The following TTN variants were observed in gnomAD, a reference collection of about 807,000 sequenced individuals.
TTN encodes the protein connectin.
A neutral mutation model predicts 3,223.0 loss-of-function variants in TTN; 1,525 were observed. The observed-to-expected ratio is 0.47, with a 90% CI of 0.45 to 0.49. TTN has a LOEUF of 0.49. Among genes scored for constraint, TTN ranks in the 20% least tolerant of loss-of-function variants. The probability of loss-of-function intolerance (pLI) is 0.00; values close to 1 mark genes in which losing one functional copy is unlikely to be tolerated. For missense variants in TTN, 40,786 were observed against 43,424.0 expected (o/e 0.94, Z 5.40); for synonymous variants, 14,094 against 15,161.0 (o/e 0.93, Z 5.17).
rs2047166320 is a variant in TTN, at chr2:178,579,407, G to T, written c.67637-14C>A. ...GATCAGGAGCCACTGTAAAATAGCAGAGATAAATTACTGTTATTTTTAAGG... is the reference window on the plus strand; with the variant it reads ...GATCAGGAGCCACTGTAAAATAGCATAGATAAATTACTGTTATTTTTAAGG... On this transcript the variant is annotated splice_polypyrimidine_tract_variant and intron_variant, in intron 319 of 362. Coordinates refer to ENST00000589042, the MANE Select transcript of TTN (RefSeq NM_001267550.2). 1 of 1,555,712 alleles carries T rather than the reference G, an allele frequency of 6.4e-7. No individual in the cohort carries two copies. Among genetic ancestry groups the T allele is most frequent in the Admixed American group, 2.1e-5 (1 of 48,450 alleles).
chr2:178,537,401 T>C lies in TTN; in HGVS notation c.99806A>G (p.Lys33269Arg). The C allele has an allele frequency of 6.2e-7, 1 of 1,608,016 alleles. No homozygotes were observed. Among genetic ancestry groups the C allele is most frequent in the Non-Finnish European group, 8.5e-7 (1 of 1,175,634 alleles). Residue 33269 changes from lysine (K) to arginine (R), a missense_variant, in exon 355 of 363, where the codon AAA (lysine) becomes AGA (arginine). Physicochemically the swap from Lys to Arg is conservative, Grantham distance 26. Transcript: ENST00000589042. ...VQRKTHAGKY[K>R]VQLSNVFGTV... ...TCCAAAAACATTGCTGAGCTGGACT[T>C]TGTATTTCCCAGCATGAGTCTTACG... is the stretch of plus-strand genomic sequence containing the variant.
rs545185154 is a variant in TTN, at chr2:178,594,186, C to G, written c.58207G>C (p.Ala19403Pro). 8.3e-5 allele frequency: 134 copies of G among 1,613,348 alleles called. No individual in the cohort carries two copies. In the East Asian group the frequency reaches 3.0e-3, roughly 36 times the overall value. The change falls in exon 297 of 363, where the codon GCT becomes CCT. Residue 19403 changes from alanine to proline, a missense_variant. Physicochemically the swap from Ala to Pro is conservative, Grantham distance 27. Coordinates refer to ENST00000589042, the MANE Select transcript of TTN (RefSeq NM_001267550.2). Reference protein sequence around the residue: ...RDKLTIRVGEAFALTGRYSGK... With the variant: ...RDKLTIRVGEPFALTGRYSGK... ...GAGTAACGGCCAGTGAGGGCAAAAG[C>G]TTCACCAACTCGAATCGTGAGCTTA...
chr2:178,560,068 T>G lies in TTN; in HGVS notation c.86064A>C (p.Val28688=). Residue 28688 remains valine (V), a synonymous_variant, in exon 326 of 363, where the codon GTA becomes GTC. Coordinates refer to ENST00000589042, the MANE Select transcript of TTN (RefSeq NM_001267550.2). Reference sequence around the variant, plus strand: ...CAGTGTCATCAGATTTTTTGTATTCTACAGTATATCCAGTTATCGGGGCCC... The same window carrying G: ...CAGTGTCATCAGATTTTTTGTATTCGACAGTATATCCAGTTATCGGGGCCC... ...DGGAPITGYT[V]EYKKSDDTDW... is the part of the protein sequence containing the mutation. 1 of 1,613,692 alleles carries G rather than the reference T, an allele frequency of 6.2e-7. No individual in the cohort carries two copies. The highest frequency in any genetic ancestry group is 8.5e-7 in the Non-Finnish European group (1 of 1,179,780).
chr2:178,569,909 G>T lies in TTN; in HGVS notation c.76223C>A (p.Pro25408His). ...KACDPIYKPG[P>H]PNNPKVIDIT... Reference sequence around the variant, plus strand: ...GTCTATGACTTTGGGGTTGTTTGGGGGTCCTGGTTTATAAATAGGATCACA... The same window carrying T: ...GTCTATGACTTTGGGGTTGTTTGGGTGTCCTGGTTTATAAATAGGATCACA... Residue 25408 changes from proline (P) to histidine (H), a missense_variant, in exon 326 of 363, where the codon CCC becomes CAC. By Grantham distance (77) the Pro-to-His change is moderately conservative. Transcript: ENST00000589042. The T allele has an allele frequency of 1.2e-6, 2 of 1,613,242 alleles. No homozygotes were observed. The highest frequency in any genetic ancestry group is 1.7e-6 in the Non-Finnish European group (2 of 1,179,550).
At position 178,764,207 on chromosome 2, in the gene TTN, C is replaced by G; in HGVS notation, c.10084G>C (p.Ala3362Pro). The change falls in exon 43 of 363, where the codon GCC becomes CCC. Residue 3362 changes from alanine (A) to proline (P), a missense_variant. Physicochemically the swap from Ala to Pro is conservative, Grantham distance 27. Transcript: ENST00000589042. ...CCAGAAACCCGGCATTGAAAACGGG[C>G]TGGCTGCCCTTCAGAAGTGACAGTG... ...QDTVTSEGQP[A>P]RFQCRVSGTD... The G allele has an allele frequency of 6.2e-7, 1 of 1,614,106 alleles. No homozygotes were observed. The highest frequency in any genetic ancestry group is 8.5e-7 in the Non-Finnish European group (1 of 1,179,954).
intron 132 of TTN, 28 bp from the exon 133 acceptor site, chr2:178,684,110 A>G (rs1248264277): frequency 6.2e-7 from 1 of 1,608,302 alleles, no homozygotes; most frequent in Admixed American, 1.7e-5. Context: ...ACTTTAAAGT[A>G]TTGTTTCCCT....
chr2:178,635,392 T>A, intron 227 of TTN, 48 bp downstream of exon 227: 1 of 1,605,484 alleles, frequency 6.2e-7, no homozygotes, highest in Non-Finnish European at 8.5e-7. Flanking sequence ...TATTTGGCTT[T>A]ACACATACGC....
In TTN at chr2:178,595,597, C is replaced by T; in HGVS notation, c.57757G>A (p.Ala19253Thr). ...TCAGCCGCAATTCGGAAAAAGTAGG[C>T]TTTTCCTTGAATGAGACCCTGGACA... ...ATVQGLIQGK[A>T]YFFRIAAENS... The change falls in exon 295 of 363, where the codon GCC becomes ACC. Residue 19253 changes from alanine (A) to threonine (T), a missense_variant. By Grantham distance (58) the Ala-to-Thr change is moderately conservative (BLOSUM62 0). Transcript: ENST00000589042. 2 of 1,587,590 alleles carry T rather than the reference C, an allele frequency of 1.3e-6. No individual in the cohort carries two copies. The highest frequency in any genetic ancestry group is 1.7e-6 in the Non-Finnish European group (2 of 1,165,536).
chr2:178,700,963 CATTT>C (rs1449209201), intron 111 of TTN, among the ~76,000 whole-genome samples, 153 bp downstream of exon 111: 1 of 152,138 alleles, frequency 6.6e-6, no homozygotes, highest in Non-Finnish European at 1.5e-5. Flanking sequence ...ATAACTTACA[CATTT>C]AGTTAGCTAA....
Position 178,653,055 on chromosome 2 carries a change from A to G in TTN, c.38861T>C (p.Val12954Ala). The change falls in exon 199 of 363, where the codon GTC becomes GCC. Residue 12954 changes from valine (V) to alanine (A), a missense_variant. Val to Ala is a moderately conservative substitution (Grantham distance 64). Transcript: ENST00000589042. The part of the protein sequence containing the change: ...VPVTPPKKPE[V>A]PPVKVPEAPI... Reference sequence around the variant, plus strand: ...GTGACAAATACCTTTAACAGGTGGGACTTCAGGTTTTTTAGGAGGAGTCAC... The same window carrying G: ...GTGACAAATACCTTTAACAGGTGGGGCTTCAGGTTTTTTAGGAGGAGTCAC... 1 of 1,613,332 alleles carries G rather than the reference A, an allele frequency of 6.2e-7. No homozygotes were observed. The highest frequency in any genetic ancestry group is 8.5e-7 in the Non-Finnish European group (1 of 1,179,548).
chr2:178,712,182 C>T lies in TTN; in HGVS notation c.27648G>A (p.Val9216=), dbSNP rs1332087392. 6.2e-7 allele frequency: 1 copy of T among 1,613,722 alleles called. No individual in the cohort carries two copies. Among genetic ancestry groups the T allele is most frequent in the Non-Finnish European group, 8.5e-7 (1 of 1,179,746 alleles). ...GTAGAGAGGCAGAATCTCCAACAGA[C>T]ACCTTAACCGGCTCCAACTGCTTGA... is the stretch of plus-strand genomic sequence containing the variant. The part of the protein sequence containing the change: ...YFVKQLEPVK[V]SVGDSASLQC... The change falls in exon 96 of 363, where the codon GTG becomes GTA. Residue 9216 remains valine, a synonymous_variant. Coordinates refer to ENST00000589042, the MANE Select transcript of TTN (RefSeq NM_001267550.2).
chr2:178,805,100 T>C (rs2094253162), intron 1 of TTN, among the ~76,000 whole-genome samples: 1 of 152,062 alleles, frequency 6.6e-6, no homozygotes, highest in Admixed American at 6.5e-5. Context: ...CCCAGCACTT[T>C]AGGAGGCCGA....
At position 178,614,239 on chromosome 2, in the gene TTN, A is replaced by G; in HGVS notation, c.49158T>C (p.Tyr16386=). The part of the protein sequence containing the change: ...RDDGGSKITN[Y]VVERRATDSE... ...TATCAGTTGCTCGTCTCTCCACAAC[A>G]TAGTTTGTGATCTTAGATCCACCAT... Residue 16386 remains tyrosine (Y), a synonymous_variant, in exon 262 of 363, where the codon TAT becomes TAC. Transcript: ENST00000589042. 6.2e-7 allele frequency: 1 copy of G among 1,612,546 alleles called. No individual in the cohort carries two copies.
In TTN at chr2:178,582,383, C is replaced by T. The variant is rs772896091; in HGVS notation, c.66073G>A (p.Glu22025Lys). 1.2e-6 allele frequency: 2 copies of T among 1,612,864 alleles called. No homozygotes were observed. The highest frequency in any genetic ancestry group is 1.7e-5 in the Admixed American group (1 of 59,934). ...TCAGCACAAATACGGAACTGATACT[C>T]ATGGCCCTCTATAAGTTTCTCCACG... is the stretch of plus-strand genomic sequence containing the variant. ...CSVEKLIEGH[E>K]YQFRICAENK... The change falls in exon 314 of 363, where the codon GAG (glutamate) becomes AAG (lysine). Residue 22025 changes from glutamate (E) to lysine (K), a missense_variant. Transcript: ENST00000589042.
intron 54 of TTN, 23 bp from the exon 55 acceptor site, chr2:178,733,144 G>GA: frequency 6.4e-7 from 1 of 1,567,808 alleles, no homozygotes. Context: ...CAAGAAGGGA[G>GA]AAAAGGTCAA....
intron 47 of TTN, chr2:178,751,963 G>A (rs2085661356): frequency 6.3e-7 from 1 of 1,589,180 alleles, no homozygotes; most frequent in Non-Finnish European, 8.5e-7. Flanking sequence ...TGGATTTGTG[G>A]TCTATGTCTT....
intron 69 of TTN, 176 bp downstream of exon 69, chr2:178,726,914 A>T: frequency 1.9e-6 from 1 of 531,868 alleles, no homozygotes. Flanking sequence ...ATGACTAGTT[A>T]CATGTAAGCA....
At chr2:178,689,471 T>C in intron 123 of TTN, 44 bp downstream of exon 123, 3 of 1,602,946 alleles carry the variant, frequency 1.9e-6, no homozygotes, top group Non-Finnish European at 2.6e-6. Context: ...TTAAAGAGGC[T>C]TGAAGGAAAG....
At position 178,605,512 on chromosome 2, in the gene TTN, T is replaced by C; in HGVS notation, c.53783A>G (p.Asp17928Gly). 1 of 1,612,426 alleles carries C rather than the reference T, an allele frequency of 6.2e-7. No homozygotes were observed. Among genetic ancestry groups the C allele is most frequent in the Non-Finnish European group, 8.5e-7 (1 of 1,178,912 alleles). The change falls in exon 279 of 363, where the codon GAT (aspartate) becomes GGT (glycine). Residue 17928 changes from aspartate (D) to glycine (G), a missense_variant. Transcript: ENST00000589042. ...ACGGAACTCATACATTTGGTGTTCA[T>C]CAAGATTTTCAACCAGAAAAGATGT... is the stretch of plus-strand genomic sequence containing the variant. Reference protein sequence around the residue: ...PTTSFLVENLDEHQMYEFRVK... With the variant: ...PTTSFLVENLGEHQMYEFRVK...
Sources: gnomAD v4.1 joint callset for allele counts (sites outside exome capture counted in the v4.1 genomes callset) on GRCh38, gnomAD v4.1.1 for gene constraint, MANE v1.5 for transcripts, NCBI Gene and HGNC (gene_info 2026-07-23, HGNC 2026-07-21) for gene names.